Variants in ZMAT3 observed in about 807,000 individuals in gnomAD.
ZMAT3 encodes the protein zinc finger matrin-type 3.
ZMAT3 carries 17 observed loss-of-function variants against 32.3 expected under a neutral mutation model. The observed-to-expected ratio is 0.53, with a 90% CI of 0.36 to 0.79. The LOEUF is 0.79. Among genes scored for constraint, ZMAT3 ranks in the 30% least tolerant of loss-of-function variants. The pLI is 0.00. For synonymous variants in ZMAT3, 120 were observed against 133.1 expected (o/e 0.90, Z 0.68); for missense variants, 329 against 359.7 (o/e 0.91, Z 0.69).
chr3:179,042,430 C>CA (rs1402293794), intron 2 of ZMAT3, among the ~76,000 whole-genome samples: 1 of 152,132 alleles, frequency 6.6e-6, no homozygotes, highest in Non-Finnish European at 1.5e-5. Flanking sequence ...ATACACAAAT[C>CA]AAAAAACATA....
At chr3:179,040,127 G>A (rs1178389671) in intron 2 of ZMAT3, among the ~76,000 whole-genome samples, 3 of 152,344 alleles carry the variant, frequency 2.0e-5, no homozygotes, top group Admixed American at 6.5e-5. Flanking sequence ...GAAAGTGATA[G>A]GGAGAATGGA....
chr3:179,020,743 T>A lies in ZMAT3; in HGVS notation c.*4274A>T, dbSNP rs142692191. The A allele has an allele frequency of 6.6e-6, 1 of 152,328 alleles. No homozygotes were observed. Among genetic ancestry groups the A allele is most frequent in the East Asian group, 1.9e-4 (1 of 5,176 alleles). 9.4% of individuals were successfully genotyped at this position (152,328 alleles called of 1,614,324 possible). On this transcript the variant is annotated 3_prime_UTR_variant, in exon 6 of 6. Coordinates refer to ENST00000311417, the MANE Select transcript of ZMAT3 (RefSeq NM_022470.4). ...CTAGCCCTCCCTGTAGAAAATACCA[T>A]GTTGCACAGTTACATGTGTCCCCTG...
chr3:179,069,095 A>T (rs200598734), intron 1 of ZMAT3, among the ~76,000 whole-genome samples: 1 of 124,480 alleles, frequency 8.0e-6, no homozygotes. Context: ...CAGCCCCTGT[A>T]AAACCCAAAT....
At chr3:179,049,622 A>T (rs1720432612) in intron 2 of ZMAT3, among the ~76,000 whole-genome samples, 1 of 152,196 alleles carries the variant, frequency 6.6e-6, no homozygotes, top group Non-Finnish European at 1.5e-5. Context: ...GAACTGAACG[A>T]TAATAGTGAT....
chr3:179,028,446 G>A (rs1395004702), intron 3 of ZMAT3, among the ~76,000 whole-genome samples: 1 of 152,200 alleles, frequency 6.6e-6, no homozygotes, highest in Non-Finnish European at 1.5e-5. Context: ...ACTAGGTTTT[G>A]GCCAGAAGAG....
intron 2 of ZMAT3, among the ~76,000 whole-genome samples, chr3:179,033,291 A>G (rs1334904758): frequency 6.6e-6 from 1 of 152,116 alleles, no homozygotes; most frequent in African/African-American, 2.4e-5. Flanking sequence ...AAGGCAGCAT[A>G]CTCGTTAAGA....
chr3:179,035,728 C>T (rs1476716239), intron 2 of ZMAT3, among the ~76,000 whole-genome samples: 1 of 151,960 alleles, frequency 6.6e-6, no homozygotes, highest in Non-Finnish European at 1.5e-5. Flanking sequence ...AGCAAGCAAG[C>T]AATAAATAAC....
intron 3 of ZMAT3, among the ~76,000 whole-genome samples, chr3:179,030,356 T>A (rs1441010585): frequency 6.9e-6 from 1 of 145,698 alleles, no homozygotes; most frequent in Non-Finnish European, 1.5e-5. Context: ...CAGAATTTCT[T>A]TTTTTTTTTT....
Position 179,018,225 on chromosome 3 carries a change from T to C in ZMAT3, c.*6792A>G, listed in dbSNP as rs1292399696. 6.6e-6 allele frequency: 1 copy of C among 152,216 alleles called. No homozygotes were observed. Among genetic ancestry groups the C allele is most frequent in the African/African-American group, 2.4e-5 (1 of 41,532 alleles). 9.4% of individuals were successfully genotyped at this position (152,216 alleles called of 1,614,324 possible). ...CATGTAGAGAATACACAAATAATAA[T>C]AAATGATATAGAACATTTATTATTT... is the stretch of plus-strand genomic sequence containing the variant. On this transcript the variant is annotated 3_prime_UTR_variant, in exon 6 of 6. Transcript: ENST00000311417.
chr3:179,047,096 A>C (rs887935852), intron 2 of ZMAT3, among the ~76,000 whole-genome samples: 40 of 152,322 alleles, frequency 2.6e-4, no homozygotes, highest in African/African-American at 8.9e-4. Flanking sequence ...ACCCTCACTG[A>C]GTCCACTTCA....
At position 179,067,466 on chromosome 3, in the gene ZMAT3, T is replaced by G; in HGVS notation, c.270+17A>C. ...TGTTCACCCTACTCAATGCCTGGTT[T>G]TCTTTTCTCCCTTTACCTGATAATG... On this transcript the variant is annotated intron_variant, in intron 2 of 5. Coordinates refer to ENST00000311417, the MANE Select transcript of ZMAT3 (RefSeq NM_022470.4). 1 of 1,611,006 alleles carries G rather than the reference T, an allele frequency of 6.2e-7. No individual in the cohort carries two copies. Among genetic ancestry groups the G allele is most frequent in the Non-Finnish European group, 8.5e-7 (1 of 1,177,410 alleles).
At chr3:179,025,941 G>C (rs189058444) in intron 5 of ZMAT3, among the ~76,000 whole-genome samples, 1 of 152,112 alleles carries the variant, frequency 6.6e-6, no homozygotes, top group African/African-American at 2.4e-5. Flanking sequence ...TAAGCTGGAC[G>C]CTTAGTTCGT....
chr3:179,026,380 T>C (rs1718869369), intron 5 of ZMAT3, among the ~76,000 whole-genome samples: 1 of 69,572 alleles, frequency 1.4e-5, no homozygotes, highest in Non-Finnish European at 2.7e-5. Context: ...TGAATTGTGC[T>C]TTTTTTTTTT....
At chr3:179,049,687 G>A (rs1017016052) in intron 2 of ZMAT3, among the ~76,000 whole-genome samples, 4 of 152,110 alleles carry the variant, frequency 2.6e-5, no homozygotes, top group Admixed American at 6.6e-5. Context: ...AGCATTAACT[G>A]CCTACATCAA....
intron 2 of ZMAT3, among the ~76,000 whole-genome samples, chr3:179,047,411 C>T (rs1203279674): frequency 1.3e-5 from 2 of 152,152 alleles, no homozygotes; most frequent in Admixed American, 1.3e-4. Flanking sequence ...TGAGGAAGAA[C>T]CACAAAAATA....
At chr3:179,042,376 A>G (rs1719988280) in intron 2 of ZMAT3, among the ~76,000 whole-genome samples, 1 of 152,208 alleles carries the variant, frequency 6.6e-6, no homozygotes, top group Non-Finnish European at 1.5e-5. Flanking sequence ...CTTATCCACC[A>G]TGATCAGGTC....
rs1173832134 is a variant in ZMAT3, at chr3:179,022,009, A to G, written c.*3008T>C. 1 of 152,250 alleles carries G rather than the reference A, an allele frequency of 6.6e-6. No homozygotes were observed. The highest frequency in any genetic ancestry group is 6.5e-5 in the Admixed American group (1 of 15,286). The allele number at this position is 152,250 out of a possible 1,614,324, so 9.4% of individuals were successfully genotyped here. A position where few individuals can be genotyped will look rare whatever the true frequency, so the allele number is the denominator to read the frequency against. ...CCCAGAGTTTGGAATTTAAGGAGCA[A>G]ACTGAGTTATTGTAGGCAATACGGT... On this transcript the variant is annotated 3_prime_UTR_variant, in exon 6 of 6. Coordinates refer to ENST00000311417, the MANE Select transcript of ZMAT3 (RefSeq NM_022470.4).
At chr3:179,065,116 A>T (rs1420227750) in intron 2 of ZMAT3, among the ~76,000 whole-genome samples, 8 of 152,210 alleles carry the variant, frequency 5.3e-5, no homozygotes, top group Admixed American at 5.2e-4. Flanking sequence ...ATACTTTATT[A>T]TACCCAAACT....
At position 179,024,022 on chromosome 3, in the gene ZMAT3, AT is replaced by A; in HGVS notation, c.*994del. ...GGCGTGAGCCACCGCGCCCGGCCCT[AT>A]TTTTTGAAATCATATCCATCTTAAA... On this transcript the variant is annotated 3_prime_UTR_variant, in exon 6 of 6. Transcript: ENST00000311417. 1 of 151,872 alleles carries A rather than the reference AT, an allele frequency of 6.6e-6. No individual in the cohort carries two copies. Among genetic ancestry groups the A allele is most frequent in the Non-Finnish European group, 1.5e-5 (1 of 68,018 alleles). The allele number at this position is 151,872 out of a possible 1,614,324, so 9.4% of individuals were successfully genotyped here.
Sources: gnomAD v4.1 joint callset for allele counts (sites outside exome capture counted in the v4.1 genomes callset) on GRCh38, gnomAD v4.1.1 for gene constraint, MANE v1.5 for transcripts, NCBI Gene and HGNC (gene_info 2026-07-23, HGNC 2026-07-21) for gene names.